BNC2: variants seen among roughly 807,000 people sequenced by gnomAD.
The protein encoded by BNC2 is zinc finger protein basonuclin-2.
A neutral mutation model predicts 76.3 loss-of-function variants in BNC2; 20 were observed. The observed-to-expected ratio is 0.26, with a 90% confidence interval of 0.18 to 0.38. The LOEUF is 0.38. BNC2 is among the 10% of genes least tolerant of loss of function. The probability of loss-of-function intolerance (pLI) is 1.00; values close to 1 mark genes in which losing one functional copy is unlikely to be tolerated. For synonymous variants in BNC2, 582 were observed against 514.8 expected (o/e 1.13, Z -1.77); for missense variants, 1,382 against 1,399.8 (o/e 0.99, Z 0.20).
At chr9:16,548,682 G>A (rs903111186) in intron 5 of BNC2, among the ~76,000 whole-genome samples, 18 of 152,218 alleles carry the variant, frequency 1.2e-4, no homozygotes, top group Admixed American at 2.0e-4. Flanking sequence ...TGGGATTACA[G>A]GCGTGAGCCA....
chr9:16,442,690 T>A (rs1315965810), intron 5 of BNC2, among the ~76,000 whole-genome samples: 1 of 152,172 alleles, frequency 6.6e-6, no homozygotes. Context: ...CATGGCAGGC[T>A]ACAACTCACA....
At chr9:16,463,490 G>T (rs1417793600) in intron 5 of BNC2, among the ~76,000 whole-genome samples, 2 of 143,046 alleles carry the variant, frequency 1.4e-5, no homozygotes, top group Non-Finnish European at 1.5e-5. Context: ...TAGAGACGGG[G>T]TTTCACCGTT....
intron 3 of BNC2, chr9:16,727,451 T>TA (rs756986605): frequency 4.7e-5 from 12 of 258,006 alleles, no homozygotes; most frequent in Admixed American, 2.5e-4. Context: ...TTCATATTGA[T>TA]AGATACATTT....
In BNC2 at chr9:16,448,379, G is replaced by A. The variant is rs1455890431; in HGVS notation, c.670-10855C>T. ...GATGGTGATTTTACACATCAAGTAA[G>A]GGCCAAAACTTGAACAATTCAAGGC... On this transcript the variant is annotated intron_variant, in intron 5 of 6. Transcript: ENST00000380672. 2.0e-5 allele frequency among the ~76,000 whole-genome samples: 3 copies of A among 152,098 alleles called. No individual in the cohort carries two copies. The East Asian group carries it at 5.8e-4, about 29-fold the overall frequency.
chr9:16,657,157 A>G (rs985219755), intron 3 of BNC2, among the ~76,000 whole-genome samples: 23 of 152,328 alleles, frequency 1.5e-4, no homozygotes, highest in African/African-American at 4.8e-4. Flanking sequence ...TTAACATCAA[A>G]TCTGCAGAAA....
At position 16,590,843 on chromosome 9, in the gene BNC2, C is replaced by T. The variant is rs192271762; in HGVS notation, c.331-7758G>A. Among the ~76,000 whole-genome samples, 15 of 152,062 alleles carry T rather than the reference C, an allele frequency of 9.9e-5. No individual in the cohort carries two copies. In the East Asian group the frequency reaches 1.6e-3, roughly 16 times the overall value. ...CACAAAAGACGTCTATCCTAGTGGA[C>T]GAAAATCTGGAATAGCAAATTATCT... On this transcript the variant is annotated intron_variant, in intron 3 of 6. Coordinates refer to ENST00000380672, the MANE Select transcript of BNC2 (RefSeq NM_017637.6).
intron 3 of BNC2, among the ~76,000 whole-genome samples, chr9:16,701,582 G>A (rs1395475632): frequency 1.3e-5 from 2 of 152,162 alleles, no homozygotes; most frequent in African/African-American, 4.8e-5. Context: ...ATCTTAAGAT[G>A]CAGTATGTTC....
intron 3 of BNC2, among the ~76,000 whole-genome samples, chr9:16,700,335 G>C (rs908639513): frequency 6.6e-6 from 1 of 151,926 alleles, no homozygotes; most frequent in Non-Finnish European, 1.5e-5. Flanking sequence ...GACTGCTTGA[G>C]GTCTTGATAG....
chr9:16,575,486 G>T, intron 4 of BNC2: 2 of 974,046 alleles, frequency 2.1e-6, no homozygotes, highest in African/African-American at 3.5e-5. Flanking sequence ...TTTGCGCTGG[G>T]TTTAAAGAAA....
chr9:16,845,663 G>A (rs1310776603), intron 1 of BNC2, among the ~76,000 whole-genome samples: 1 of 151,906 alleles, frequency 6.6e-6, no homozygotes, highest in Non-Finnish European at 1.5e-5. Flanking sequence ...GGAGCTTGCA[G>A]TGAGCCGAGA....
chr9:16,476,546 C>CGT (rs971502745), intron 5 of BNC2, among the ~76,000 whole-genome samples: 6 of 150,130 alleles, frequency 4.0e-5, no homozygotes, highest in African/African-American at 9.9e-5. Flanking sequence ...CTTTTTAACC[C>CGT]GTGTGTGTGT....
chr9:16,559,009 G>A (rs1372890294), intron 4 of BNC2, among the ~76,000 whole-genome samples: 1 of 151,872 alleles, frequency 6.6e-6, no homozygotes, highest in African/African-American at 2.4e-5. Flanking sequence ...CAGGCTGAAT[G>A]CAATTCACAA....
intron 3 of BNC2, among the ~76,000 whole-genome samples, chr9:16,652,502 G>T (rs1482074480): frequency 6.6e-6 from 1 of 152,072 alleles, no homozygotes; most frequent in Non-Finnish European, 1.5e-5. Context: ...TCTACTTTTT[G>T]AAAAATTCAC....
intron 4 of BNC2, among the ~76,000 whole-genome samples, chr9:16,553,311 G>A (rs1161201938): frequency 1.3e-5 from 2 of 152,172 alleles, no homozygotes; most frequent in Non-Finnish European, 2.9e-5. Context: ...GAGGGAATAA[G>A]GAAAGCTGAC....
chr9:16,600,344 GA>G (rs1210301841), intron 3 of BNC2, among the ~76,000 whole-genome samples: 1 of 152,150 alleles, frequency 6.6e-6, no homozygotes, highest in Non-Finnish European at 1.5e-5. Context: ...CAATAAATGT[GA>G]GGCTATTATT....
At chr9:16,833,123 A>C (rs986369789) in intron 1 of BNC2, among the ~76,000 whole-genome samples, 2 of 151,812 alleles carry the variant, frequency 1.3e-5, no homozygotes, top group Non-Finnish European at 2.9e-5. Flanking sequence ...TTAGAACAAA[A>C]CCCTCAGGAA....
chr9:16,578,160 C>A (rs187909466), intron 4 of BNC2, among the ~76,000 whole-genome samples: 237 of 152,014 alleles, frequency 1.6e-3, no homozygotes, highest in African/African-American at 5.5e-3. Context: ...TAAAATCTGC[C>A]CACCTCTTTT....
At chr9:16,745,548 G>A (rs1028322338) in intron 1 of BNC2, among the ~76,000 whole-genome samples, 39 of 152,178 alleles carry the variant, frequency 2.6e-4, no homozygotes, top group African/African-American at 8.2e-4. Flanking sequence ...CCAGGTTCTC[G>A]CAATTCCTTT....
chr9:16,631,116 T>C (rs754048677), intron 3 of BNC2, among the ~76,000 whole-genome samples: 14 of 152,090 alleles, frequency 9.2e-5, no homozygotes, highest in African/African-American at 2.9e-4. Flanking sequence ...ACGTGTGTGT[T>C]CTCTATAAAA....
Sources: gnomAD v4.1 joint callset for allele counts (sites outside exome capture counted in the v4.1 genomes callset) on GRCh38, gnomAD v4.1.1 for gene constraint, MANE v1.5 for transcripts, NCBI Gene and HGNC (gene_info 2026-07-23, HGNC 2026-07-21) for gene names.